PDGFD: variants seen among roughly 807,000 people sequenced by gnomAD.
PDGFD encodes the protein platelet derived growth factor D.
Under a neutral mutation model 44.7 loss-of-function variants are expected in PDGFD, and 30 were observed. That is an observed-to-expected ratio of 0.67 (90% CI 0.50 to 0.91). PDGFD has a LOEUF of 0.91. Ranked by LOEUF, PDGFD falls within the 40% of genes least tolerant of loss-of-function variation. The pLI is 0.00. For missense variants in PDGFD, 445 were observed against 457.8 expected, an observed-to-expected ratio of 0.97 and a Z score of 0.25; for synonymous variants, 173 against 168.4, an observed-to-expected ratio of 1.03 and a Z score of -0.21.
chr11:104,126,398 A>C (rs1041709563), intron 1 of PDGFD, among the ~76,000 whole-genome samples: 3 of 152,284 alleles, frequency 2.0e-5, no homozygotes, highest in African/African-American at 7.2e-5. Flanking sequence ...CATCATCAGT[A>C]TCAGTTTTAC....
rs537697809 is a variant in PDGFD at position 104,027,825 on chromosome 11, T to C, written c.125-27570A>G. ...GACTCTTTTTGGTCACAAGGGCAGA[T>C]TGAATTGATATTTTCAAAGAACAGA... On this transcript the variant is annotated intron_variant, in intron 1 of 6. Coordinates refer to ENST00000393158, the MANE Select transcript of PDGFD (RefSeq NM_025208.5). Among the ~76,000 whole-genome samples the C allele has an allele frequency of 3.3e-5, 5 of 152,300 alleles. No homozygotes were observed. In the East Asian group the frequency reaches 5.8e-4, roughly 18 times the overall value.
intron 1 of PDGFD, among the ~76,000 whole-genome samples, chr11:104,125,127 G>A (rs180789030): frequency 1.2e-4 from 18 of 152,234 alleles, no homozygotes; most frequent in Admixed American, 4.6e-4. Context: ...CATAATGGAA[G>A]AGAAAGACTG....
chr11:104,087,639 T>A (rs1331826153), intron 1 of PDGFD, among the ~76,000 whole-genome samples: 1 of 152,228 alleles, frequency 6.6e-6, no homozygotes, highest in Non-Finnish European at 1.5e-5. Context: ...AGATTACTGT[T>A]TGCAAGCCAA....
At chr11:104,119,209 TAATATAATATATTG>T (rs1861710225) in intron 1 of PDGFD, among the ~76,000 whole-genome samples, 2 of 7,084 alleles carry the variant, frequency 2.8e-4, no homozygotes, top group South Asian at 0.024. Flanking sequence ...TATAATATAT[TAATATAATATATTG>T]ATATAATATA....
At chr11:103,957,403 C>T (rs529324779) in intron 3 of PDGFD, among the ~76,000 whole-genome samples, 3 of 152,220 alleles carry the variant, frequency 2.0e-5, no homozygotes, top group East Asian at 1.9e-4. Flanking sequence ...GAGCCCGCAT[C>T]GCCAAGTCAA....
chr11:104,105,299 T>C (rs1192578868), intron 1 of PDGFD, among the ~76,000 whole-genome samples: 5 of 152,170 alleles, frequency 3.3e-5, no homozygotes, highest in African/African-American at 1.2e-4. Context: ...GTCTTTATTA[T>C]AGTACACACA....
chr11:104,056,007 CT>C (rs1565322567), intron 1 of PDGFD, among the ~76,000 whole-genome samples: 1 of 152,126 alleles, frequency 6.6e-6, no homozygotes, highest in Non-Finnish European at 1.5e-5. Flanking sequence ...ATATTCACCC[CT>C]ACCTCAAAGT....
intron 3 of PDGFD, among the ~76,000 whole-genome samples, chr11:103,958,251 G>A (rs1318156465): frequency 2.0e-5 from 3 of 152,220 alleles, no homozygotes; most frequent in East Asian, 1.9e-4. Context: ...ACCTGAAACC[G>A]TGGCTGAGTC....
intron 1 of PDGFD, among the ~76,000 whole-genome samples, chr11:104,054,512 C>G (rs1480024185): frequency 6.6e-6 from 1 of 151,498 alleles, no homozygotes; most frequent in Non-Finnish European, 1.5e-5. Context: ...AAATAATGTT[C>G]AATCATATCA....
chr11:103,961,617 C>A (rs916296398), intron 3 of PDGFD, among the ~76,000 whole-genome samples: 1 of 151,706 alleles, frequency 6.6e-6, no homozygotes, highest in Non-Finnish European at 1.5e-5. Context: ...ATCAGAGGAT[C>A]CTGAAGACCA....
intron 5 of PDGFD, among the ~76,000 whole-genome samples, chr11:103,931,569 C>A (rs1311525219): frequency 6.6e-6 from 1 of 152,058 alleles, no homozygotes; most frequent in African/African-American, 2.4e-5. Flanking sequence ...TGAAGACAGT[C>A]AGTAATCTTT....
intron 3 of PDGFD, among the ~76,000 whole-genome samples, chr11:103,970,638 T>C (rs1859089906): frequency 6.6e-6 from 1 of 152,082 alleles, no homozygotes; most frequent in Non-Finnish European, 1.5e-5. Context: ...AAACTAAATA[T>C]ATTGTTCATT....
At chr11:103,973,231 C>T (rs1049321883) in intron 3 of PDGFD, among the ~76,000 whole-genome samples, 3 of 151,334 alleles carry the variant, frequency 2.0e-5, no homozygotes, top group African/African-American at 4.9e-5. Context: ...CTCCACCTCC[C>T]GGGTTCACAA....
chr11:104,149,255 G>A (rs1313194583), intron 1 of PDGFD, among the ~76,000 whole-genome samples: 1 of 152,108 alleles, frequency 6.6e-6, no homozygotes, highest in Non-Finnish European at 1.5e-5. Context: ...TTAAGTGAAA[G>A]GATGTATAGA....
At chr11:104,118,336 C>T (rs533365872) in intron 1 of PDGFD, among the ~76,000 whole-genome samples, 3 of 151,910 alleles carry the variant, frequency 2.0e-5, no homozygotes, top group South Asian at 4.2e-4. Context: ...TGTGAGGATA[C>T]AATGAGAAGA....
chr11:103,957,109 T>G (rs565967953), intron 3 of PDGFD, among the ~76,000 whole-genome samples: 2 of 152,166 alleles, frequency 1.3e-5, no homozygotes, highest in Admixed American at 1.3e-4. Context: ...TTGCTTTTGG[T>G]GTTTTAGACA....
intron 1 of PDGFD, among the ~76,000 whole-genome samples, chr11:104,035,968 T>C (rs532714331): frequency 2.6e-5 from 4 of 152,322 alleles, no homozygotes; most frequent in African/African-American, 9.6e-5. Context: ...TTCACCTGTC[T>C]ATCCCTTTCC....
chr11:103,987,787 T>C (rs568811349), intron 3 of PDGFD, among the ~76,000 whole-genome samples: 48 of 152,302 alleles, frequency 3.2e-4, no homozygotes, highest in African/African-American at 1.2e-3. Context: ...CTGAAATGCC[T>C]GCTTTTTCAG....
chr11:104,036,985 A>T (rs1428851068), intron 1 of PDGFD: 1 of 1,614,214 alleles, frequency 6.2e-7, no homozygotes. Context: ...GCGACTCCTC[A>T]TCGAGGACCA....
Sources: gnomAD v4.1 joint callset for allele counts (sites outside exome capture counted in the v4.1 genomes callset) on GRCh38, gnomAD v4.1.1 for gene constraint, MANE v1.5 for transcripts, NCBI Gene and HGNC (gene_info 2026-07-23, HGNC 2026-07-21) for gene names.